The following CACNA1H variants were observed in gnomAD, a reference collection of about 807,000 sequenced individuals.
CACNA1H encodes calcium voltage-gated channel subunit alpha1 H, also known as voltage-dependent T-type calcium channel subunit alpha-1H.
Under a neutral mutation model 192.5 loss-of-function variants are expected in CACNA1H, and 149 were observed. The ratio of observed to expected loss-of-function variants is 0.77; its 90% confidence interval spans 0.68 to 0.89. The LOEUF is 0.89. Ranked by LOEUF, CACNA1H falls within the 40% of genes least tolerant of loss-of-function variation. The probability of loss-of-function intolerance (pLI) is 0.00; values close to 1 mark genes in which losing one functional copy is unlikely to be tolerated. For synonymous variants in CACNA1H, 2,202 were observed against 1,475.2 expected (o/e 1.49, Z -11.29); for missense variants, 4,257 against 3,423.5 (o/e 1.24, Z -6.08).
intron 2 of CACNA1H, among the ~76,000 whole-genome samples, chr16:1,190,336 C>T (rs1465914948): frequency 1.3e-5 from 2 of 152,252 alleles, no homozygotes; most frequent in South Asian, 2.1e-4. Flanking sequence ...TATGATTAAG[C>T]CTCCAGAAGT....
chr16:1,185,336 G>A (rs1448255840), intron 2 of CACNA1H, among the ~76,000 whole-genome samples: 1 of 152,170 alleles, frequency 6.6e-6, no homozygotes, highest in Non-Finnish European at 1.5e-5. Flanking sequence ...TGTCGTGAGT[G>A]CCCGTTTCCT....
chr16:1,212,625 G>A, intron 26 of CACNA1H, 97 bp downstream of exon 26: 1 of 1,439,636 alleles, frequency 6.9e-7, no homozygotes, highest in South Asian at 1.2e-5. Context: ...TCCGCAGGGT[G>A]GGCACAGGCA....
Position 1,202,346 on chromosome 16 carries a change from C to A in CACNA1H, c.1896C>A (p.Pro632=), listed in dbSNP as rs1440665010. The part of the protein sequence containing the change: ...GSGKGSTSPG[P]KGKWAGGPPG... ...GCAAAGGCAGCACCAGCCCCGGACC[C>A]AAGGGGAAGTGGGCCGGTGGACCGC... The change falls in exon 9 of 35, where the codon CCC becomes CCA. Residue 632 remains proline (P), a synonymous_variant. Transcript: ENST00000348261. 6.4e-7 allele frequency: 1 copy of A among 1,571,544 alleles called. No homozygotes were observed. Among genetic ancestry groups the A allele is most frequent in the Non-Finnish European group, 8.6e-7 (1 of 1,160,684 alleles).
chr16:1,220,599 T>A lies in CACNA1H; in HGVS notation c.6667T>A (p.Cys2223Ser), dbSNP rs1194215917. 1.3e-6 allele frequency: 2 copies of A among 1,558,022 alleles called. No homozygotes were observed. Among genetic ancestry groups the A allele is most frequent in the African/African-American group, 2.8e-5 (2 of 72,296 alleles). ...CACACTGAGGCGCAGGACCCCGTCCTGTGAGGCCACGCCTCACAGGGACTC... is the reference window on the plus strand; with the variant it reads ...CACACTGAGGCGCAGGACCCCGTCCAGTGAGGCCACGCCTCACAGGGACTC... ...STTLRRRTPS[C>S]EATPHRDSLE... Residue 2223 changes from cysteine (C) to serine (S), a missense_variant, in exon 35 of 35, where the codon TGT becomes AGT. Coordinates refer to ENST00000348261, the MANE Select transcript of CACNA1H (RefSeq NM_021098.3).
chr16:1,207,674 C>T, intron 14 of CACNA1H, 96 bp from the exon 15 acceptor site: 3 of 1,168,206 alleles, frequency 2.6e-6, no homozygotes, highest in Non-Finnish European at 3.7e-6. Flanking sequence ...CTTCTGTCCA[C>T]ACCCCACCTC....
At chr16:1,181,456 TG>T (rs1171010774) in intron 2 of CACNA1H, among the ~76,000 whole-genome samples, 1 of 152,202 alleles carries the variant, frequency 6.6e-6, no homozygotes, top group Non-Finnish European at 1.5e-5. Context: ...CAGAACATCC[TG>T]GGTGGTCGTG....
intron 30 of CACNA1H, among the ~76,000 whole-genome samples, chr16:1,216,031 T>C (rs969747908): frequency 1.3e-5 from 2 of 151,868 alleles, no homozygotes; most frequent in African/African-American, 4.8e-5. Context: ...ATCCTTTCTG[T>C]CCTCCAAGGC....
intron 2 of CACNA1H, among the ~76,000 whole-genome samples, chr16:1,170,889 C>T (rs1024869117): frequency 4.6e-5 from 7 of 152,180 alleles, no homozygotes; most frequent in South Asian, 2.1e-4. Context: ...GCGCCAACCC[C>T]GCATTGTCTG....
chr16:1,199,696 A>C (rs1596398751), intron 6 of CACNA1H, among the ~76,000 whole-genome samples: 11 of 115,664 alleles, frequency 9.5e-5, no homozygotes, highest in Admixed American at 1.7e-4. Context: ...CTCAATTCTC[A>C]CCCCCGAGTC....
rs781326214 is a variant in CACNA1H, at chr16:1,211,149, A to G, written c.4224-19A>G. ...CTGCTGCCATAGATGACTGCAGTGT[A>G]TCCTTCACTCCCCTCCAGGGTCATC... On this transcript the variant is annotated intron_variant, in intron 21 of 34. Transcript: ENST00000348261. 7 of 1,611,416 alleles carry G rather than the reference A, an allele frequency of 4.3e-6. No individual in the cohort carries two copies. In the Admixed American group the frequency reaches 8.3e-5, roughly 19 times the overall value.
At chr16:1,176,191 T>C (rs570056852) in intron 2 of CACNA1H, among the ~76,000 whole-genome samples, 2 of 152,380 alleles carry the variant, frequency 1.3e-5, no homozygotes, top group East Asian at 1.9e-4. Context: ...TGGTTACAGA[T>C]GCTGTGTGGT....
chr16:1,205,690 G>A (rs1180947258), intron 11 of CACNA1H, among the ~76,000 whole-genome samples: 4 of 152,160 alleles, frequency 2.6e-5, no homozygotes, highest in Admixed American at 6.5e-5. Context: ...GAGGGGAAAC[G>A]CCCCCGGTCT....
chr16:1,193,941 C>A (rs1966828787), intron 2 of CACNA1H, among the ~76,000 whole-genome samples: 1 of 152,146 alleles, frequency 6.6e-6, no homozygotes, highest in Admixed American at 6.5e-5. Flanking sequence ...TTGAGACACT[C>A]AGACCCTGAC....
chr16:1,161,683 G>C (rs907955091), intron 2 of CACNA1H, among the ~76,000 whole-genome samples: 1 of 152,210 alleles, frequency 6.6e-6, no homozygotes, highest in African/African-American at 2.4e-5. Flanking sequence ...CCCAGCAGGC[G>C]GGTGAGAGAA....
chr16:1,175,092 C>T (rs1220632175), intron 2 of CACNA1H, among the ~76,000 whole-genome samples: 5 of 152,288 alleles, frequency 3.3e-5, no homozygotes, highest in South Asian at 2.1e-4. Context: ...CACAGGCCCG[C>T]GTGATGTGAG....
chr16:1,173,586 C>G (rs1964579420), intron 2 of CACNA1H, among the ~76,000 whole-genome samples: 1 of 152,258 alleles, frequency 6.6e-6, no homozygotes, highest in Non-Finnish European at 1.5e-5. Context: ...GGTTATATTT[C>G]TCAAAACGTT....
At chr16:1,216,279 G>A (rs901410890) in intron 30 of CACNA1H, among the ~76,000 whole-genome samples, 3 of 152,304 alleles carry the variant, frequency 2.0e-5, no homozygotes, top group Admixed American at 1.3e-4. Flanking sequence ...TGTCCTCAGC[G>A]GCGTGCCTAG....
rs59709076 is a variant in CACNA1H at position 1,200,279 on chromosome 16, G to T, written c.827G>T (p.Arg276Leu). The T allele has an allele frequency of 6.2e-7, 1 of 1,601,622 alleles. No individual in the cohort carries two copies. The highest frequency in any genetic ancestry group is 1.3e-5 in the African/African-American group (1 of 74,690). ...AGGAACAACAACCTGACCTTCCTGC[G>T]GCCGTACTACCAGACGGAGGAGGGC... Reference protein sequence around the residue: ...FVRNNNLTFLRPYYQTEEGEE... With the variant: ...FVRNNNLTFLLPYYQTEEGEE... The change falls in exon 7 of 35, where the codon CGG (arginine) becomes CTG (leucine). Residue 276 changes from arginine to leucine, a missense_variant. Coordinates refer to ENST00000348261, the MANE Select transcript of CACNA1H (RefSeq NM_021098.3).
chr16:1,217,163 C>T (rs933864452), intron 31 of CACNA1H, among the ~76,000 whole-genome samples, 153 bp downstream of exon 31: 18 of 152,198 alleles, frequency 1.2e-4, no homozygotes, highest in African/African-American at 3.4e-4. Context: ...GCCCTGCTTC[C>T]GGAGCCTTTT....
Sources: gnomAD v4.1 joint callset for allele counts (sites outside exome capture counted in the v4.1 genomes callset) on GRCh38, gnomAD v4.1.1 for gene constraint, MANE v1.5 for transcripts, NCBI Gene and HGNC (gene_info 2026-07-23, HGNC 2026-07-21) for gene names.